SUN3: variants seen among roughly 807,000 people sequenced by gnomAD.
SUN3 encodes the protein Sad1 and UNC84 domain containing 3.
SUN3 carries 36 observed loss-of-function variants against 48.2 expected under a neutral mutation model. That is an observed-to-expected ratio of 0.75 (90% CI 0.57 to 0.99). The LOEUF is 0.99. Ranked by LOEUF, SUN3 falls within the 50% of genes least tolerant of loss-of-function variation. The pLI, the probability that SUN3 is intolerant of heterozygous loss-of-function variation, is 0.00. For missense variants in SUN3, 419 were observed against 433.1 expected (o/e 0.97, Z 0.29); for synonymous variants, 148 against 147.9 (o/e 1.00, Z 0.00).
At chr7:48,013,567 G>A (rs1273065005) in intron 3 of SUN3, among the ~76,000 whole-genome samples, 1 of 152,164 alleles carries the variant, frequency 6.6e-6, no homozygotes, top group Non-Finnish European at 1.5e-5. Flanking sequence ...GCCATAGGAT[G>A]TTTGTGTTTA....
At chr7:48,027,031 C>T (rs1455274816) in intron 1 of SUN3, among the ~76,000 whole-genome samples, 5 of 152,196 alleles carry the variant, frequency 3.3e-5, no homozygotes, top group African/African-American at 9.7e-5. Flanking sequence ...TACCTGCTCT[C>T]CTGAGCTCTA....
At chr7:48,014,346 CTTAT>C (rs1182170514) in intron 3 of SUN3, among the ~76,000 whole-genome samples, 2 of 152,174 alleles carry the variant, frequency 1.3e-5, no homozygotes, top group Non-Finnish European at 2.9e-5. Flanking sequence ...TCTCAGATAA[CTTAT>C]TTATTTATTC....
At chr7:48,000,282 C>T (rs1447938307) in intron 6 of SUN3, 1 of 152,354 alleles carries the variant, frequency 6.6e-6, no homozygotes, top group Non-Finnish European at 1.5e-5. Context: ...GAATTACAGG[C>T]ATGCGCCACC....
At chr7:48,035,328 C>A in the SUN3 span, among the ~76,000 whole-genome samples, 2 of 152,184 alleles carry the variant, frequency 1.3e-5, no homozygotes, top group Admixed American at 1.3e-4. The surrounding 1 kb of genome is among the most constrained non-coding windows in gnomAD (Gnocchi z 4.0). Context: ...CCCGGTTCCC[C>A]GTGGCATCGC....
chr7:48,013,684 A>G (rs938482586), intron 3 of SUN3, among the ~76,000 whole-genome samples: 1 of 152,250 alleles, frequency 6.6e-6, no homozygotes, highest in East Asian at 1.9e-4. Flanking sequence ...TTATAAAATA[A>G]TATCTAAAGG....
intron 6 of SUN3, among the ~76,000 whole-genome samples, chr7:48,001,312 C>A (rs1331959592): frequency 6.6e-6 from 1 of 152,102 alleles, no homozygotes; most frequent in South Asian, 2.1e-4. Flanking sequence ...TCATTTAGCT[C>A]CCACTTATAA....
intron 8 of SUN3, among the ~76,000 whole-genome samples, chr7:47,993,422 A>G (rs532633494): frequency 1.3e-5 from 2 of 152,356 alleles, no homozygotes; most frequent in East Asian, 3.9e-4. Flanking sequence ...CCATCAACTG[A>G]TGAATAGATA....
chr7:48,030,442 A>T (rs1426077214), upstream of SUN3, among the ~76,000 whole-genome samples: 1 of 152,198 alleles, frequency 6.6e-6, no homozygotes, highest in Non-Finnish European at 1.5e-5. Flanking sequence ...CAAAGATGTG[A>T]TACACATGCA....
At chr7:48,025,795 G>A in intron 2 of SUN3, 82 bp downstream of exon 2, 1 of 902,632 alleles carries the variant, frequency 1.1e-6, no homozygotes. Context: ...TTACAAATAT[G>A]AGTCATTCCG....
chr7:47,991,948 C>A (rs1307319787), intron 8 of SUN3, among the ~76,000 whole-genome samples: 1 of 152,182 alleles, frequency 6.6e-6, no homozygotes, highest in East Asian at 1.9e-4. Context: ...CCACTGCCGG[C>A]GCCGCCCCAG....
At position 47,987,520 on chromosome 7, in the gene SUN3, T is replaced by C. The variant is rs376838123; in HGVS notation, c.955-71A>G. On this transcript the variant is annotated intron_variant, in intron 9 of 9. Transcript: ENST00000297325. Reference sequence around the variant, plus strand: ...CTCAAAGAATCCCAATGAATACTGATATAATTTTAAATTATATACTTTTTT... The same window carrying C: ...CTCAAAGAATCCCAATGAATACTGACATAATTTTAAATTATATACTTTTTT... 4.3e-5 allele frequency: 58 copies of C among 1,354,948 alleles called. No individual in the cohort carries two copies. In the African/African-American group the frequency reaches 8.0e-4, roughly 19 times the overall value. The allele number at this position is 1,354,948 out of a possible 1,614,324, so 83.9% of individuals were successfully genotyped here. A position where few individuals can be genotyped will look rare whatever the true frequency, so the allele number is the denominator to read the frequency against.
At chr7:47,988,049 C>T (rs2128768476) in intron 9 of SUN3, among the ~76,000 whole-genome samples, 1 of 152,246 alleles carries the variant, frequency 6.6e-6, no homozygotes, top group Non-Finnish European at 1.5e-5. Flanking sequence ...TGTCTAAAAA[C>T]CAGAACTATG....
At chr7:48,006,107 G>A (rs1487960116) in intron 5 of SUN3, 54 bp from the exon 6 acceptor site, 11 of 1,263,798 alleles carry the variant, frequency 8.7e-6, no homozygotes, top group Non-Finnish European at 1.2e-5. Flanking sequence ...AACTGCTTGA[G>A]TTTTGACCAT....
chr7:48,024,341 C>A (rs112284526), intron 2 of SUN3, among the ~76,000 whole-genome samples: 3 of 151,952 alleles, frequency 2.0e-5, no homozygotes, highest in African/African-American at 7.3e-5. Context: ...ACAACCTAAT[C>A]AAAAATGAGC....
intron 9 of SUN3, 151 bp from the exon 10 acceptor site, chr7:47,987,600 C>T: frequency 1.4e-6 from 1 of 710,546 alleles, no homozygotes; most frequent in Non-Finnish European, 2.1e-6. Context: ...GTGGCATGAT[C>T]ATGGCTCATT....
At chr7:48,030,319 G>A (rs1413501933), upstream of SUN3, among the ~76,000 whole-genome samples, 1 of 152,106 alleles carries the variant, frequency 6.6e-6, no homozygotes, top group South Asian at 2.1e-4. Context: ...TCCAAAATTC[G>A]AAAGTTACAA....
intron 9 of SUN3, 26 bp downstream of exon 9, chr7:47,988,762 A>C: frequency 6.9e-7 from 1 of 1,440,370 alleles, no homozygotes; most frequent in South Asian, 1.2e-5. Flanking sequence ...AGAGCTACTC[A>C]TATCATTTCC....
At chr7:48,007,824 TG>T (rs1416905663) in intron 4 of SUN3, among the ~76,000 whole-genome samples, 21 of 151,086 alleles carry the variant, frequency 1.4e-4, no homozygotes, top group African/African-American at 2.2e-4. Flanking sequence ...TTCCCAAGAA[TG>T]TTTTTTTTTT....
chr7:48,015,906 C>G (rs1465628997), intron 3 of SUN3, among the ~76,000 whole-genome samples: 1 of 152,172 alleles, frequency 6.6e-6, no homozygotes, highest in Non-Finnish European at 1.5e-5. Flanking sequence ...ACAGTCCTTT[C>G]CTGAAAAGAC....
Sources: gnomAD v4.1 joint callset for allele counts (sites outside exome capture counted in the v4.1 genomes callset) on GRCh38, gnomAD v4.1.1 for gene constraint, Gnocchi (gnomAD v3.1) non-coding constraint, MANE v1.5 for transcripts, NCBI Gene and HGNC (gene_info 2026-07-23, HGNC 2026-07-21) for gene names.